The following RAE1 variants were observed in gnomAD, a reference collection of about 807,000 sequenced individuals.
RAE1 encodes the protein ribonucleic acid export 1, also known as mRNA export factor RAE1.
Under a neutral mutation model 52.7 loss-of-function variants are expected in RAE1, and 13 were observed. The observed-to-expected ratio is 0.25, with a 90% CI of 0.16 to 0.39. The LOEUF is 0.39. RAE1 is among the 10% of genes least tolerant of loss of function. RAE1 has a pLI of 1.00. For synonymous variants in RAE1, 164 were observed against 153.1 expected (o/e 1.07, Z -0.52); for missense variants, 262 against 459.8 (o/e 0.57, Z 3.93).
chr20:57,371,581 G>A (rs1319313809), intron 8 of RAE1: 4 of 152,148 alleles, frequency 2.6e-5, no homozygotes, highest in African/African-American at 9.7e-5. Context: ...GGAGGGTGTG[G>A]GGAACATGGA....
intron 4 of RAE1, chr20:57,358,825 TAGG>T: frequency 2.1e-6 from 1 of 476,556 alleles, no homozygotes; most frequent in Non-Finnish European, 3.6e-6. Context: ...CTTAGGTTGT[TAGG>T]AGGTTGAATT....
Position 57,354,740 on chromosome 20 carries a change from A to T in RAE1, c.119A>T (p.Asp40Val), listed in dbSNP as rs1161803607. Residue 40 changes from aspartate to valine, a missense_variant, in exon 3 of 12, where the codon GAT becomes GTT. Coordinates refer to ENST00000395841, the MANE Select transcript of RAE1 (RefSeq NM_003610.4). Reference sequence around the variant, plus strand: ...ATTGAAGTAACATCATCTCCTGATGATAGCATTGGTTGTCTGTCTTTTAGC... The same window carrying T: ...ATTGAAGTAACATCATCTCCTGATGTTAGCATTGGTTGTCTGTCTTTTAGC... ...KDIEVTSSPD[D>V]SIGCLSFSPP... 1 of 1,602,078 alleles carries T rather than the reference A, an allele frequency of 6.2e-7. No homozygotes were observed. Among genetic ancestry groups the T allele is most frequent in the East Asian group, 2.3e-5 (1 of 43,628 alleles).
intron 4 of RAE1, chr20:57,359,087 C>T (rs775712992): frequency 1.8e-5 from 24 of 1,357,844 alleles, no homozygotes; most frequent in Admixed American, 5.1e-5. Context: ...TACCTTCGCA[C>T]GGTCAGGATA....
intron 4 of RAE1, among the ~76,000 whole-genome samples, chr20:57,361,475 G>T (rs143817012): frequency 1.3e-5 from 2 of 152,324 alleles, no homozygotes; most frequent in South Asian, 4.1e-4. Context: ...TGTTTACCTA[G>T]GTTGATGGTA....
At chr20:57,357,060 G>A (rs1347023436) in intron 4 of RAE1, among the ~76,000 whole-genome samples, 1 of 152,248 alleles carries the variant, frequency 6.6e-6, no homozygotes, top group Non-Finnish European at 1.5e-5. Flanking sequence ...ACACACTGCA[G>A]TGCTGAAGAA....
At chr20:57,354,944 A>T in intron 3 of RAE1, 128 bp downstream of exon 3, 1 of 636,852 alleles carries the variant, frequency 1.6e-6, no homozygotes, top group South Asian at 2.5e-5. Context: ...TGAGAAATCA[A>T]TTTAGGGGGT....
At chr20:57,377,820 C>T (rs975643318) in intron 11 of RAE1, among the ~76,000 whole-genome samples, 193 bp from the exon 12 acceptor site, 3 of 152,182 alleles carry the variant, frequency 2.0e-5, no homozygotes, top group South Asian at 4.1e-4. Context: ...CACACTGGTA[C>T]CAACCACATC....
At chr20:57,352,105 C>T (rs184605623) in intron 1 of RAE1, 3 of 509,516 alleles carry the variant, frequency 5.9e-6, no homozygotes, top group Non-Finnish European at 2.5e-6. Context: ...TTAAAGTTGG[C>T]AAAGAAGCGT....
rs3215713 is a variant in RAE1 at position 57,351,557 on chromosome 20, G to GC, written c.-8+138dup. 1.5e-4 allele frequency: 149 copies of GC among 985,488 alleles called. 2 individuals carry two copies. The East Asian group carries it at 0.01, about 69-fold the overall frequency. 61.0% of individuals were successfully genotyped at this position (985,488 alleles called of 1,614,324 possible). A position where few individuals can be genotyped will look rare whatever the true frequency, so the allele number is the denominator to read the frequency against. The stretch of plus-strand genomic sequence containing the variant: ...ACTGTTGACTAAGCTTCGTTACTGG[G>GC]CCCTGGAAGCGAGGTCAGAGCTGGA... On this transcript the variant is annotated intron_variant, in intron 1 of 11. Coordinates refer to ENST00000395841, the MANE Select transcript of RAE1 (RefSeq NM_003610.4).
At chr20:57,377,556 G>A (rs1422082874) in intron 11 of RAE1, among the ~76,000 whole-genome samples, 1 of 152,168 alleles carries the variant, frequency 6.6e-6, no homozygotes. Flanking sequence ...ACTCACCACC[G>A]TTCATGCCTC....
intron 8 of RAE1, chr20:57,371,922 C>T (rs2067041180): frequency 6.6e-6 from 1 of 152,128 alleles, no homozygotes; most frequent in African/African-American, 2.4e-5. Flanking sequence ...ATAAGCCAGA[C>T]ACAGAAAGAA....
chr20:57,355,174 A>C (rs2066766498), intron 3 of RAE1, among the ~76,000 whole-genome samples: 1 of 152,222 alleles, frequency 6.6e-6, no homozygotes, highest in Admixed American at 6.5e-5. Context: ...CATGTATGAA[A>C]CTTTTTCAAC....
intron 4 of RAE1, among the ~76,000 whole-genome samples, chr20:57,361,544 G>T (rs1287041136): frequency 6.6e-6 from 1 of 152,174 alleles, no homozygotes; most frequent in Non-Finnish European, 1.5e-5. Context: ...TTGAAATTGA[G>T]CATACGTGCA....
chr20:57,353,921 C>CT (rs1298378099), intron 1 of RAE1, 111 bp from the exon 2 acceptor site: 3 of 910,318 alleles, frequency 3.3e-6, no homozygotes, highest in Non-Finnish European at 5.1e-6. Context: ...AAAGTGAAGC[C>CT]TGGCCTCAAG....
At chr20:57,367,480 C>T (rs577088294) in intron 7 of RAE1, among the ~76,000 whole-genome samples, 10 of 152,028 alleles carry the variant, frequency 6.6e-5, no homozygotes, top group African/African-American at 1.4e-4. Context: ...TGGTAGCTCA[C>T]GCCTATAATC....
At chr20:57,354,982 T>C (rs887549065) in intron 3 of RAE1, among the ~76,000 whole-genome samples, 166 bp downstream of exon 3, 2 of 152,238 alleles carry the variant, frequency 1.3e-5, no homozygotes, top group Admixed American at 1.3e-4. Flanking sequence ...GCAGACATTA[T>C]TCTTACACCC....
intron 11 of RAE1, among the ~76,000 whole-genome samples, chr20:57,376,478 C>T (rs1326033117): frequency 6.6e-6 from 1 of 152,294 alleles, no homozygotes. Flanking sequence ...AAGTGGAGCC[C>T]TACGCTACAT....
intron 3 of RAE1, among the ~76,000 whole-genome samples, chr20:57,355,461 T>C (rs1471396893): frequency 6.6e-6 from 1 of 152,212 alleles, no homozygotes; most frequent in East Asian, 1.9e-4. Context: ...CCTGCATGTA[T>C]GGCTGGTAGG....
At chr20:57,351,447 C>G (rs925764280) in intron 1 of RAE1, 25 bp downstream of exon 1, 14 of 985,350 alleles carry the variant, frequency 1.4e-5, no homozygotes, top group African/African-American at 1.7e-5. Flanking sequence ...GCGCGCGTCC[C>G]GTCGTTAACC....
Sources: gnomAD v4.1 joint callset for allele counts (sites outside exome capture counted in the v4.1 genomes callset) on GRCh38, gnomAD v4.1.1 for gene constraint, MANE v1.5 for transcripts, NCBI Gene and HGNC (gene_info 2026-07-23, HGNC 2026-07-21) for gene names.